Variants in DUSP22 observed in about 807,000 individuals in gnomAD.
DUSP22 encodes dual specificity phosphatase 22, also known as dual specificity protein phosphatase 22.
In DUSP22, 24 loss-of-function variants were observed where a neutral mutation model predicts 24.5. The observed-to-expected ratio is 0.98, with a 90% CI of 0.71 to 1.38. The LOEUF (loss-of-function observed/expected upper bound fraction) is 1.38, where lower values mean the gene tolerates loss of function less well. Ranked by LOEUF, DUSP22 falls within the 40% of genes most tolerant of loss-of-function variation. The pLI is 0.00. For missense variants in DUSP22, 330 were observed against 269.2 expected (o/e 1.23, Z -1.58); for synonymous variants, 160 against 106.4 (o/e 1.50, Z -3.10).
At chr6:333,698 G>C (rs1170730498) in intron 3 of DUSP22, among the ~76,000 whole-genome samples, 1 of 152,426 alleles carries the variant, frequency 6.6e-6, no homozygotes, top group Non-Finnish European at 1.5e-5. Flanking sequence ...CTGGCCCCAA[G>C]CTCAGCGCCC....
chr6:335,217 A>G (rs1759310259), intron 4 of DUSP22, 54 bp downstream of exon 4: 6 of 1,593,782 alleles, frequency 3.8e-6, no homozygotes, highest in Non-Finnish European at 4.3e-6. Context: ...TGAATAGAGG[A>G]TGGTAAAGTC....
intron 1 of DUSP22, 23 bp downstream of exon 1, chr6:292,583 C>T: frequency 1.3e-6 from 2 of 1,592,472 alleles, no homozygotes; most frequent in Non-Finnish European, 8.5e-7. Context: ...CTCGTTCGCG[C>T]TGGGTTTGCC....
chr6:333,901 T>A (rs977857717), intron 3 of DUSP22, among the ~76,000 whole-genome samples: 1 of 152,308 alleles, frequency 6.6e-6, no homozygotes, highest in Non-Finnish European at 1.5e-5. Flanking sequence ...GTCTGGTGCC[T>A]GTATTGGAAA....
intron 3 of DUSP22, among the ~76,000 whole-genome samples, chr6:330,281 C>T (rs144753382): frequency 2.2e-4 from 34 of 152,418 alleles, no homozygotes; most frequent in African/African-American, 7.0e-4. Flanking sequence ...TGCTCTCCCC[C>T]TCCTTGTGTT....
chr6:319,323 C>T (rs796853753), intron 3 of DUSP22, among the ~76,000 whole-genome samples: 39 of 152,414 alleles, frequency 2.6e-4, no homozygotes, highest in African/African-American at 7.2e-4. Context: ...TGTTTGGCTG[C>T]GCTGTGTTCA....
At chr6:299,322 GA>G (rs1342268066) in intron 1 of DUSP22, among the ~76,000 whole-genome samples, 1 of 152,308 alleles carries the variant, frequency 6.6e-6, no homozygotes, top group East Asian at 1.9e-4. Flanking sequence ...CTCTCTGCTG[GA>G]AAATTATTTG....
intron 3 of DUSP22, among the ~76,000 whole-genome samples, chr6:332,644 C>CTTTTTT (rs3053546): frequency 1.4e-5 from 2 of 148,066 alleles, no homozygotes; most frequent in Non-Finnish European, 3.0e-5. Flanking sequence ...TCCTGTCCTT[C>CTTTTTT]TTTTTTTTTT....
chr6:312,637 GTGTA>G (rs1361062523), intron 3 of DUSP22, among the ~76,000 whole-genome samples: 1 of 152,306 alleles, frequency 6.6e-6, no homozygotes, highest in East Asian at 1.9e-4. Context: ...TGGTTGTGAT[GTGTA>G]TGTGTTTTTC....
intron 4 of DUSP22, 103 bp from the exon 5 acceptor site, chr6:345,751 A>T (rs530485136): frequency 9.9e-5 from 141 of 1,418,606 alleles, no homozygotes; most frequent in South Asian, 7.7e-4. Context: ...TTATACAAAA[A>T]AATCAATTAA....
Position 351,149 on chromosome 6 carries a change from T to C in DUSP22, c.*2198T>C, listed in dbSNP as rs547842515. 5.8e-6 allele frequency: 3 copies of C among 517,774 alleles called. No homozygotes were observed. In the South Asian group the frequency reaches 7.0e-5, roughly 12 times the overall value. The allele number at this position is 517,774 out of a possible 1,614,324, so 32.1% of individuals were successfully genotyped here. On this transcript the variant is annotated 3_prime_UTR_variant, in exon 7 of 7. Coordinates refer to ENST00000419235, the MANE Select transcript of DUSP22 (RefSeq NM_001286555.3). ...TTGCCGCACTGCCTTGTGGGTGGCTTGGCGCTCGTGATTGCTTCCTGTGAA... is the reference window on the plus strand; with the variant it reads ...TTGCCGCACTGCCTTGTGGGTGGCTCGGCGCTCGTGATTGCTTCCTGTGAA...
chr6:334,981 A>C (rs1161651521), intron 3 of DUSP22, 133 bp from the exon 4 acceptor site: 3 of 1,080,410 alleles, frequency 2.8e-6, no homozygotes, highest in Non-Finnish European at 3.9e-6. Flanking sequence ...GTTCCTTGGC[A>C]ACAAAAGATG....
chr6:344,656 A>G (rs898038068), intron 4 of DUSP22, among the ~76,000 whole-genome samples: 2 of 152,310 alleles, frequency 1.3e-5, no homozygotes, highest in African/African-American at 4.8e-5. Flanking sequence ...GTGAGATACC[A>G]GCCCCACTTT....
In DUSP22 at chr6:348,922, A is replaced by G; in HGVS notation, c.589A>G (p.Thr197Ala). 1 of 1,611,062 alleles carries G rather than the reference A, an allele frequency of 6.2e-7. No homozygotes were observed. Among genetic ancestry groups the G allele is most frequent in the South Asian group, 1.1e-5 (1 of 90,900 alleles). The change falls in exon 7 of 7, where the codon ACC becomes GCC. Residue 197 changes from threonine (T) to alanine (A), a missense_variant. Thr to Ala is a moderately conservative substitution (Grantham distance 58). Transcript: ENST00000419235. ...WSSFPALAPL[T>A]YDNYTTET ...CAGTTTTCCGGCACTGGCTCCGCTGACCTACGATAATTATACGACGGAGAC... is the reference window on the plus strand; with the variant it reads ...CAGTTTTCCGGCACTGGCTCCGCTGGCCTACGATAATTATACGACGGAGAC...
chr6:299,524 T>C (rs1757487926), intron 1 of DUSP22, among the ~76,000 whole-genome samples: 1 of 152,306 alleles, frequency 6.6e-6, no homozygotes, highest in African/African-American at 2.4e-5. Context: ...TTTGTAATTC[T>C]ATATGGAAGA....
chr6:328,066 G>A (rs1354649764), intron 3 of DUSP22, among the ~76,000 whole-genome samples: 1 of 152,306 alleles, frequency 6.6e-6, no homozygotes, highest in African/African-American at 2.4e-5. Context: ...TTTCCCTGGT[G>A]ATACGTACAG....
chr6:313,279 A>C (rs1476095249), intron 3 of DUSP22, among the ~76,000 whole-genome samples: 1 of 152,304 alleles, frequency 6.6e-6, no homozygotes, highest in Non-Finnish European at 1.5e-5. Context: ...TCCCTGCTTC[A>C]TACTCCATTA....
At chr6:304,917 T>A (rs1757753529) in intron 2 of DUSP22, among the ~76,000 whole-genome samples, 1 of 152,298 alleles carries the variant, frequency 6.6e-6, no homozygotes, top group Non-Finnish European at 1.5e-5. Context: ...CTCACAACTA[T>A]CGGAGCCTCC....
At chr6:328,142 A>G (rs1486319869) in intron 3 of DUSP22, among the ~76,000 whole-genome samples, 1 of 152,304 alleles carries the variant, frequency 6.6e-6, no homozygotes. Flanking sequence ...CAGTTTTTTG[A>G]GATGGGTTGT....
chr6:335,816 G>T (rs1369362363), intron 4 of DUSP22, among the ~76,000 whole-genome samples: 1 of 152,302 alleles, frequency 6.6e-6, no homozygotes, highest in African/African-American at 2.4e-5. Flanking sequence ...GCCTTATGGG[G>T]CAGCATGCTG....
Sources: gnomAD v4.1 joint callset for allele counts (sites outside exome capture counted in the v4.1 genomes callset) on GRCh38, gnomAD v4.1.1 for gene constraint, MANE v1.5 for transcripts, NCBI Gene and HGNC (gene_info 2026-07-23, HGNC 2026-07-21) for gene names.